Variants in GRID2 observed in about 807,000 individuals in gnomAD.
GRID2 encodes glutamate ionotropic receptor delta type subunit 2, also known as glutamate receptor ionotropic, delta-2.
GRID2 carries 33 observed loss-of-function variants against 114.8 expected under a neutral mutation model. The observed-to-expected ratio is 0.29, with a 90% CI of 0.22 to 0.38. The LOEUF is 0.38. GRID2 is among the 10% of genes least tolerant of loss of function. GRID2 has a pLI of 1.00. For synonymous variants in GRID2, 505 were observed against 449.9 expected (o/e 1.12, Z -1.55); for missense variants, 1,184 against 1,257.7 (o/e 0.94, Z 0.89).
chr4:93,239,214 A>G (rs894575115), intron 8 of GRID2, among the ~76,000 whole-genome samples: 1 of 148,288 alleles, frequency 6.7e-6, no homozygotes, highest in Non-Finnish European at 1.5e-5. Context: ...ATATACACAT[A>G]TACACACACA....
chr4:93,250,767 T>TAAAA (rs1554017738), intron 8 of GRID2, among the ~76,000 whole-genome samples: 5 of 147,578 alleles, frequency 3.4e-5, no homozygotes, highest in Non-Finnish European at 6.0e-5. Flanking sequence ...TATATATATA[T>TAAAA]AAAAAAAGTG....
At chr4:92,454,535 A>G (rs370939270) in intron 1 of GRID2, among the ~76,000 whole-genome samples, 6 of 152,200 alleles carry the variant, frequency 3.9e-5, no homozygotes, top group African/African-American at 1.4e-4. Flanking sequence ...GCTATATGGC[A>G]TGGAACATTC....
At chr4:93,378,197 G>C (rs1340465983) in intron 8 of GRID2, among the ~76,000 whole-genome samples, 1 of 151,988 alleles carries the variant, frequency 6.6e-6, no homozygotes, top group Non-Finnish European at 1.5e-5. Context: ...AATTTAATAT[G>C]TTTAAATTCC....
intron 4 of GRID2, among the ~76,000 whole-genome samples, chr4:93,171,024 C>T (rs978126750): frequency 2.0e-5 from 3 of 152,216 alleles, no homozygotes; most frequent in Non-Finnish European, 2.9e-5. Flanking sequence ...ATGCCACCTA[C>T]GGTTTATACT....
At chr4:92,805,173 G>T (rs1740350814) in intron 2 of GRID2, among the ~76,000 whole-genome samples, 1 of 151,860 alleles carries the variant, frequency 6.6e-6, no homozygotes, top group African/African-American at 2.4e-5. Flanking sequence ...CTACTGCAGT[G>T]CAGCTTTTTA....
chr4:92,566,544 T>G (rs1260474951), intron 1 of GRID2, among the ~76,000 whole-genome samples: 1 of 151,972 alleles, frequency 6.6e-6, no homozygotes, highest in Non-Finnish European at 1.5e-5. Context: ...AAGTTTCTCT[T>G]TGGAAAACAT....
chr4:92,950,934 T>A (rs1482502479), intron 2 of GRID2, among the ~76,000 whole-genome samples: 8 of 152,174 alleles, frequency 5.3e-5, no homozygotes, highest in Non-Finnish European at 1.0e-4. Context: ...AGATTATGTA[T>A]ACTGATTATG....
At chr4:92,614,702 A>G (rs149950929) in intron 2 of GRID2, among the ~76,000 whole-genome samples, 1,571 of 151,770 alleles carry the variant, frequency 0.01, 75 homozygotes, top group Admixed American at 0.081. Context: ...AGTGTACTAC[A>G]GATGACAGGT....
intron 14 of GRID2, among the ~76,000 whole-genome samples, chr4:93,750,593 A>G (rs1732237203): frequency 6.6e-6 from 1 of 152,084 alleles, no homozygotes; most frequent in South Asian, 2.1e-4. Flanking sequence ...GGTCTCTACT[A>G]AAAATACAAA....
intron 2 of GRID2, among the ~76,000 whole-genome samples, chr4:92,688,842 G>A (rs537163761): frequency 6.6e-6 from 1 of 152,074 alleles, no homozygotes; most frequent in African/African-American, 2.4e-5. Flanking sequence ...GGTTTCCAGT[G>A]TATTTTGCCA....
chr4:92,981,388 A>T (rs1281963121), intron 2 of GRID2, among the ~76,000 whole-genome samples: 2 of 152,064 alleles, frequency 1.3e-5, no homozygotes, highest in Non-Finnish European at 2.9e-5. Context: ...ATTGATCATT[A>T]TCTAGTTGTA....
At chr4:93,212,416 A>T (rs1215324499) in intron 5 of GRID2, among the ~76,000 whole-genome samples, 1 of 152,166 alleles carries the variant, frequency 6.6e-6, no homozygotes, top group African/African-American at 2.4e-5. Flanking sequence ...AATCAATCAT[A>T]TGTTAGTACT....
intron 1 of GRID2, among the ~76,000 whole-genome samples, chr4:92,340,779 T>G (rs2110161924): frequency 6.6e-6 from 1 of 152,308 alleles, no homozygotes; most frequent in Admixed American, 6.5e-5. Context: ...ATTATCAGCC[T>G]ATTAAAACCT....
At chr4:93,575,984 T>C (rs1230233801) in intron 13 of GRID2, among the ~76,000 whole-genome samples, 2 of 152,184 alleles carry the variant, frequency 1.3e-5, no homozygotes, top group African/African-American at 2.4e-5. Context: ...TGGGCAGTCT[T>C]ATTTGGTAAT....
intron 14 of GRID2, among the ~76,000 whole-genome samples, chr4:93,717,206 T>G (rs1383843121): frequency 1.3e-5 from 2 of 152,196 alleles, no homozygotes; most frequent in Non-Finnish European, 2.9e-5. Context: ...AAATAACTAA[T>G]TAAAGACTAT....
intron 1 of GRID2, among the ~76,000 whole-genome samples, chr4:92,529,326 T>A (rs1224588917): frequency 6.6e-6 from 1 of 152,048 alleles, no homozygotes; most frequent in Non-Finnish European, 1.5e-5. Flanking sequence ...TTCAGCCACG[T>A]AATAGGTATT....
In GRID2 at chr4:93,623,957, A is replaced by T. The variant is rs56990326; in HGVS notation, c.2194-2312A>T. ...ATTGGAGAATCTGAGGAAAATTTAA[A>T]TGTCTTTTGTAATTATGCATCTGCA... On this transcript the variant is annotated intron_variant, in intron 13 of 15. Transcript: ENST00000282020. Among the ~76,000 whole-genome samples the T allele has an allele frequency of 6.3e-3, 955 of 152,238 alleles. 14 individuals are homozygous for T. Among genetic ancestry groups the T allele is most frequent in the African/African-American group, 0.021 (884 of 41,552 alleles).
chr4:92,761,065 A>G (rs535395092), intron 2 of GRID2, among the ~76,000 whole-genome samples: 9 of 152,272 alleles, frequency 5.9e-5, no homozygotes, highest in African/African-American at 2.2e-4. Flanking sequence ...TATTTTAACT[A>G]CATTGTATCC....
At chr4:92,693,232 T>G (rs754675661) in intron 2 of GRID2, among the ~76,000 whole-genome samples, 11 of 152,136 alleles carry the variant, frequency 7.2e-5, no homozygotes, top group Non-Finnish European at 1.5e-4. Context: ...TTTCATCCAG[T>G]GACCTTTCCT....
Sources: gnomAD v4.1 joint callset for allele counts (sites outside exome capture counted in the v4.1 genomes callset) on GRCh38, gnomAD v4.1.1 for gene constraint, MANE v1.5 for transcripts, NCBI Gene and HGNC (gene_info 2026-07-23, HGNC 2026-07-21) for gene names.